The following NCKAP5 variants were observed in gnomAD, a reference collection of about 807,000 sequenced individuals.
The protein encoded by NCKAP5 is NCK associated protein 5, also known as nck-associated protein 5.
A neutral mutation model predicts 167.0 loss-of-function variants in NCKAP5; 92 were observed. That is an observed-to-expected ratio of 0.55 (90% confidence interval 0.47 to 0.66). The LOEUF (loss-of-function observed/expected upper bound fraction) is 0.66, where lower values mean the gene tolerates loss of function less well. NCKAP5 is among the 30% of genes least tolerant of loss of function. The pLI is 0.00. For synonymous variants in NCKAP5, 891 were observed against 877.4 expected, an observed-to-expected ratio of 1.02 and a Z score of -0.27; for missense variants, 2,378 against 2,315.0, an observed-to-expected ratio of 1.03 and a Z score of -0.56.
intron 3 of NCKAP5, among the ~76,000 whole-genome samples, chr2:133,510,713 G>T (rs1230308492): frequency 6.6e-6 from 1 of 152,192 alleles, no homozygotes; most frequent in Non-Finnish European, 1.5e-5. Flanking sequence ...CCGTGAAGGA[G>T]CTCCCAGTCA....
chr2:133,245,537 G>A (rs1397483112), intron 4 of NCKAP5, among the ~76,000 whole-genome samples: 2 of 152,148 alleles, frequency 1.3e-5, no homozygotes, highest in South Asian at 2.1e-4. Flanking sequence ...TTCTTGACCT[G>A]GGTGCTAATT....
chr2:132,869,028 C>G, intron 9 of NCKAP5, 54 bp from the exon 10 acceptor site: 1 of 1,285,348 alleles, frequency 7.8e-7, no homozygotes, highest in South Asian at 1.4e-5. Context: ...TTTATATGCA[C>G]CGACTCTAAT....
chr2:133,214,042 A>T (rs113138312), intron 4 of NCKAP5, among the ~76,000 whole-genome samples: 2 of 152,352 alleles, frequency 1.3e-5, no homozygotes, highest in Admixed American at 6.5e-5. Flanking sequence ...TAGTTCATTA[A>T]CATATATCAC....
chr2:132,707,849 G>A (rs1186612772), intron 19 of NCKAP5, among the ~76,000 whole-genome samples: 1 of 152,084 alleles, frequency 6.6e-6, no homozygotes, highest in Admixed American at 6.5e-5. Context: ...TTGCAACTTA[G>A]ATACCTGCTC....
intron 16 of NCKAP5, among the ~76,000 whole-genome samples, chr2:132,732,836 G>A (rs1310592562): frequency 6.6e-6 from 1 of 152,082 alleles, no homozygotes; most frequent in Admixed American, 6.5e-5. Flanking sequence ...TTGACTGTGG[G>A]GACAAGTAAT....
chr2:133,003,237 T>C (rs928846238), intron 6 of NCKAP5, among the ~76,000 whole-genome samples: 3 of 152,194 alleles, frequency 2.0e-5, no homozygotes, highest in Non-Finnish European at 4.4e-5. Context: ...GAACATATTT[T>C]GCATTGCCTC....
chr2:132,830,393 G>A (rs1026988891), intron 11 of NCKAP5, among the ~76,000 whole-genome samples: 1 of 150,348 alleles, frequency 6.7e-6, no homozygotes, highest in African/African-American at 2.5e-5. Context: ...AGGACAGACT[G>A]TTGCTTGCAA....
chr2:132,787,680 C>A (rs187348302), intron 13 of NCKAP5, among the ~76,000 whole-genome samples: 21 of 152,274 alleles, frequency 1.4e-4, no homozygotes, highest in Admixed American at 9.2e-4. Flanking sequence ...AGATGCTATT[C>A]AGTGATGCTG....
chr2:133,090,352 G>T (rs544684610), intron 6 of NCKAP5, among the ~76,000 whole-genome samples: 1 of 152,024 alleles, frequency 6.6e-6, no homozygotes, highest in Non-Finnish European at 1.5e-5. Context: ...TAAGAGAAAG[G>T]TAGAAAGAGA....
chr2:133,355,763 G>A (rs1014194906), intron 3 of NCKAP5, among the ~76,000 whole-genome samples: 12 of 152,044 alleles, frequency 7.9e-5, no homozygotes. Context: ...ATTCGACCTA[G>A]GAAAGCATAG....
chr2:133,268,763 C>A (rs1434709575), intron 4 of NCKAP5, among the ~76,000 whole-genome samples: 1 of 152,196 alleles, frequency 6.6e-6, no homozygotes, highest in Non-Finnish European at 1.5e-5. Context: ...AGCCACCGCA[C>A]CCGGCCGATT....
intron 4 of NCKAP5, among the ~76,000 whole-genome samples, chr2:133,266,934 C>T (rs1230526743): frequency 6.6e-6 from 1 of 152,122 alleles, no homozygotes; most frequent in Admixed American, 6.5e-5. Context: ...TTCCCACCCC[C>T]TACCCACTCC....
chr2:133,369,882 T>C (rs1339114107), intron 3 of NCKAP5, among the ~76,000 whole-genome samples: 1 of 152,224 alleles, frequency 6.6e-6, no homozygotes, highest in Non-Finnish European at 1.5e-5. Context: ...GCTTGAAGTG[T>C]TTTTTAAGAA....
chr2:133,353,365 C>T (rs1037187546), intron 3 of NCKAP5, among the ~76,000 whole-genome samples: 1 of 152,178 alleles, frequency 6.6e-6, no homozygotes, highest in African/African-American at 2.4e-5. Context: ...ATATCTATCT[C>T]TACCCTGGAC....
chr2:133,635,038 T>C, the NCKAP5 span, among the ~76,000 whole-genome samples: 1 of 152,028 alleles, frequency 6.6e-6, no homozygotes. Context: ...CACACATAAC[T>C]AATTTTTGTA....
At chr2:132,901,779 T>G (rs1024062850) in intron 8 of NCKAP5, among the ~76,000 whole-genome samples, 2 of 152,228 alleles carry the variant, frequency 1.3e-5, no homozygotes, top group Admixed American at 6.5e-5. Flanking sequence ...CAAAAGGCAG[T>G]GTTGCACTGT....
intron 3 of NCKAP5, among the ~76,000 whole-genome samples, chr2:133,504,847 C>G (rs759618451): frequency 1.3e-5 from 2 of 152,108 alleles, no homozygotes; most frequent in Admixed American, 6.6e-5. Flanking sequence ...CCATTTTGAC[C>G]CCTCTGAGTC....
At chr2:133,336,714 T>C (rs904175798) in intron 3 of NCKAP5, among the ~76,000 whole-genome samples, 3 of 152,130 alleles carry the variant, frequency 2.0e-5, no homozygotes, top group Non-Finnish European at 2.9e-5. Context: ...AAATGGGAAA[T>C]TTTGAATACA....
At chr2:133,095,971 G>A (rs1425830227) in intron 6 of NCKAP5, among the ~76,000 whole-genome samples, 1 of 152,166 alleles carries the variant, frequency 6.6e-6, no homozygotes, top group African/African-American at 2.4e-5. Context: ...GAACTAGGCA[G>A]AAGAATAGGC....
Sources: allele counts gnomAD v4.1 joint callset (sites outside exome capture counted in the v4.1 genomes callset), GRCh38; gene constraint gnomAD v4.1.1; transcripts MANE v1.5; gene names NCBI Gene and HGNC (gene_info 2026-07-23, HGNC 2026-07-21).